LRMDA: variants seen among roughly 807,000 people sequenced by gnomAD.
The protein encoded by LRMDA is leucine rich melanocyte differentiation associated.
Under a neutral mutation model 29.8 loss-of-function variants are expected in LRMDA, and 18 were observed. The ratio of observed to expected loss-of-function variants is 0.60; its 90% CI spans 0.42 to 0.90. LRMDA has a LOEUF of 0.90. LRMDA is among the 40% of genes least tolerant of loss of function. The pLI, the probability that LRMDA is intolerant of heterozygous loss-of-function variation, is 0.00. For synonymous variants in LRMDA, 125 were observed against 109.4 expected (o/e 1.14, Z -0.89); for missense variants, 273 against 273.9 (o/e 1.00, Z 0.02).
At chr10:75,725,326 G>T (rs2132191710) in intron 2 of LRMDA, among the ~76,000 whole-genome samples, 1 of 152,290 alleles carries the variant, frequency 6.6e-6, no homozygotes, top group African/African-American at 2.4e-5. Flanking sequence ...AGGGTAATAA[G>T]TTTGCTCAGA....
chr10:75,479,360 A>C lies in LRMDA; in HGVS notation c.131+40866A>C, dbSNP rs1275665537. On this transcript the variant is annotated intron_variant, in intron 2 of 6. Transcript: ENST00000611255. ...GCCTGTACTAAAAATACAAAAAATT[A>C]GCCGGGCGTGGTCACAGGCGCCTGT... Among the ~76,000 whole-genome samples the C allele has an allele frequency of 2.6e-5, 4 of 152,096 alleles. No individual in the cohort carries two copies. The East Asian group carries it at 7.7e-4, about 29-fold the overall frequency.
At chr10:75,556,752 G>GT (rs71024550) in intron 2 of LRMDA, among the ~76,000 whole-genome samples, 1,972 of 143,386 alleles carry the variant, frequency 0.014, 48 homozygotes, top group African/African-American at 0.048. Context: ...TTGCATGATT[G>GT]TTTTTTTTTT....
intron 2 of LRMDA, among the ~76,000 whole-genome samples, chr10:75,544,641 C>T (rs542874427): frequency 6.6e-6 from 1 of 152,080 alleles, no homozygotes; most frequent in African/African-American, 2.4e-5. Flanking sequence ...CTTCCTGCTG[C>T]ATTGCTGTAA....
chr10:75,438,921 G>A (rs528113863), intron 2 of LRMDA, among the ~76,000 whole-genome samples: 5 of 152,300 alleles, frequency 3.3e-5, no homozygotes, highest in South Asian at 4.1e-4. Flanking sequence ...CGAGTCACAG[G>A]TAGGGTGTGT....
rs1366212103 is a variant in LRMDA at position 76,506,174 on chromosome 10, G to A, written c.602-51035G>A. 3.3e-5 allele frequency among the ~76,000 whole-genome samples: 5 copies of A among 152,140 alleles called. No homozygotes were observed. In the South Asian group the frequency reaches 1.0e-3, roughly 32 times the overall value. On this transcript the variant is annotated intron_variant, in intron 6 of 6. Transcript: ENST00000611255. Reference sequence around the variant, plus strand: ...AATATGTTAGCTTACCCAATTTTTGGTCTTTCTTGGTGACAGCAGTGCTTC... The same window carrying A: ...AATATGTTAGCTTACCCAATTTTTGATCTTTCTTGGTGACAGCAGTGCTTC...
At chr10:75,654,744 T>C (rs1321159419) in intron 2 of LRMDA, among the ~76,000 whole-genome samples, 1 of 152,190 alleles carries the variant, frequency 6.6e-6, no homozygotes, top group East Asian at 1.9e-4. Flanking sequence ...AATCTGACAA[T>C]GCCTTTGTAG....
intron 2 of LRMDA, among the ~76,000 whole-genome samples, chr10:76,021,745 C>T (rs919422721): frequency 2.0e-5 from 3 of 152,216 alleles, no homozygotes; most frequent in Admixed American, 6.5e-5. Context: ...TTCTCACTTA[C>T]ACCCAGAGAG....
chr10:76,235,555 C>T (rs1852136700), intron 5 of LRMDA, among the ~76,000 whole-genome samples: 1 of 151,980 alleles, frequency 6.6e-6, no homozygotes, highest in Admixed American at 6.6e-5. Context: ...GATGAATGGG[C>T]CCTCAGAATA....
intron 2 of LRMDA, among the ~76,000 whole-genome samples, chr10:75,625,007 G>A (rs544221689): frequency 2.6e-5 from 4 of 152,236 alleles, no homozygotes; most frequent in African/African-American, 9.6e-5. Flanking sequence ...TCAGACAGTC[G>A]GATTCAGGGA....
At chr10:76,539,079 A>G (rs535215347) in intron 6 of LRMDA, among the ~76,000 whole-genome samples, 5 of 152,176 alleles carry the variant, frequency 3.3e-5, no homozygotes, top group Non-Finnish European at 7.4e-5. Flanking sequence ...TAAAAAAGGT[A>G]TAACATCCTA....
intron 6 of LRMDA, among the ~76,000 whole-genome samples, chr10:76,503,063 T>C (rs1423145086): frequency 6.6e-6 from 1 of 151,930 alleles, no homozygotes; most frequent in Non-Finnish European, 1.5e-5. Flanking sequence ...TTTTGAAGTA[T>C]GTTCTTTTAA....
At chr10:76,171,825 A>G (rs550231570) in intron 5 of LRMDA, among the ~76,000 whole-genome samples, 2 of 152,310 alleles carry the variant, frequency 1.3e-5, no homozygotes, top group East Asian at 1.9e-4. Context: ...GACAAAATAT[A>G]TGAAACAACA....
intron 5 of LRMDA, among the ~76,000 whole-genome samples, chr10:76,314,622 CA>C (rs1377275437): frequency 6.6e-6 from 1 of 152,116 alleles, no homozygotes; most frequent in Non-Finnish European, 1.5e-5. Flanking sequence ...GCATAAATAA[CA>C]GTAAAATTTT....
At chr10:76,123,342 CAAAA>C (rs3042573) in intron 5 of LRMDA, among the ~76,000 whole-genome samples, 2 of 144,086 alleles carry the variant, frequency 1.4e-5, no homozygotes, top group Non-Finnish European at 1.5e-5. Flanking sequence ...TTATTTCTAC[CAAAA>C]AAAAAAAAAA....
At chr10:75,791,928 C>T (rs942873867) in intron 2 of LRMDA, among the ~76,000 whole-genome samples, 3 of 136,890 alleles carry the variant, frequency 2.2e-5, no homozygotes, top group South Asian at 2.4e-4. Flanking sequence ...GGTGCTATCT[C>T]GGCTCACTGC....
At chr10:76,463,171 A>G (rs1422277442) in intron 6 of LRMDA, among the ~76,000 whole-genome samples, 1 of 152,164 alleles carries the variant, frequency 6.6e-6, no homozygotes, top group Non-Finnish European at 1.5e-5. Context: ...TATCCAAGGC[A>G]GTCCCGTGGA....
At chr10:76,324,346 A>C in intron 5 of LRMDA, 55 bp from the exon 6 acceptor site, 3 of 1,415,534 alleles carry the variant, frequency 2.1e-6, no homozygotes, top group Non-Finnish European at 3.0e-6. Flanking sequence ...AAATGAGGGT[A>C]TTTGGTATTT....
At chr10:75,698,862 G>A (rs1361979358) in intron 2 of LRMDA, among the ~76,000 whole-genome samples, 1 of 152,132 alleles carries the variant, frequency 6.6e-6, no homozygotes, top group Non-Finnish European at 1.5e-5. Context: ...TTGCGTTTTT[G>A]TTGTTGTTAC....
At chr10:76,256,210 CTATT>C (rs1214697985) in intron 5 of LRMDA, among the ~76,000 whole-genome samples, 3 of 152,180 alleles carry the variant, frequency 2.0e-5, no homozygotes, top group Non-Finnish European at 4.4e-5. Flanking sequence ...ACAGTGAAGA[CTATT>C]TAAGCACTTT....
Sources: allele counts gnomAD v4.1 joint callset (sites outside exome capture counted in the v4.1 genomes callset), GRCh38; gene constraint gnomAD v4.1.1; transcripts MANE v1.5; gene names NCBI Gene and HGNC (gene_info 2026-07-23, HGNC 2026-07-21).